SHISA9: variants seen among roughly 807,000 people sequenced by gnomAD.
SHISA9 encodes protein shisa-9.
Under a neutral mutation model 38.0 loss-of-function variants are expected in SHISA9, and 13 were observed. That is an observed-to-expected ratio of 0.34 (90% CI 0.22 to 0.54). The LOEUF (loss-of-function observed/expected upper bound fraction) is 0.54, where lower values mean the gene tolerates loss of function less well. SHISA9 is among the 20% of genes least tolerant of loss of function. The pLI, the probability that SHISA9 is intolerant of heterozygous loss-of-function variation, is 0.91. For missense variants in SHISA9, 538 were observed against 575.8 expected, an observed-to-expected ratio of 0.93 and a Z score of 0.67; for synonymous variants, 275 against 242.0, an observed-to-expected ratio of 1.14 and a Z score of -1.27.
chr16:13,467,961 C>T, the SHISA9 span, among the ~76,000 whole-genome samples: 2 of 152,220 alleles, frequency 1.3e-5, no homozygotes, highest in South Asian at 2.1e-4. Context: ...CGCTATCCTT[C>T]ATGGTGTTTT....
At chr16:13,005,873 G>A (rs2072591608) in intron 2 of SHISA9, among the ~76,000 whole-genome samples, 1 of 152,214 alleles carries the variant, frequency 6.6e-6, no homozygotes, top group South Asian at 2.1e-4. Flanking sequence ...TGTTTAGAAA[G>A]GCGTTGCTGC....
intron 4 of SHISA9, among the ~76,000 whole-genome samples, chr16:13,227,925 G>A (rs2051295101): frequency 2.0e-5 from 3 of 152,202 alleles, no homozygotes; most frequent in Admixed American, 1.3e-4. Flanking sequence ...CATAGAGTAA[G>A]TGTTCAAACA....
In SHISA9 at chr16:13,238,258, G is replaced by C. The variant is rs1350466331; in HGVS notation, c.*2849G>C. 1 of 152,142 alleles carries C rather than the reference G, an allele frequency of 6.6e-6. No individual in the cohort carries two copies. The highest frequency in any genetic ancestry group is 1.9e-4 in the East Asian group (1 of 5,194). 9.4% of individuals were successfully genotyped at this position (152,142 alleles called of 1,614,324 possible). A position where few individuals can be genotyped will look rare whatever the true frequency, so the allele number is the denominator to read the frequency against. On this transcript the variant is annotated 3_prime_UTR_variant, in exon 5 of 5. Coordinates refer to ENST00000558583, the MANE Select transcript of SHISA9 (RefSeq NM_001145204.3). ...ATGGACCAAAAAGTAAATGAAAGGG[G>C]AATCATTTCCTATGCAAGTCAGTGT...
At chr16:13,268,108 G>A in the SHISA9 span, among the ~76,000 whole-genome samples, 1 of 151,978 alleles carries the variant, frequency 6.6e-6, no homozygotes, top group Non-Finnish European at 1.5e-5. Flanking sequence ...CTCCTCTCCT[G>A]AAACTCTCAA....
chr16:13,432,621 A>G, the SHISA9 span, among the ~76,000 whole-genome samples: 1 of 152,200 alleles, frequency 6.6e-6, no homozygotes, highest in Non-Finnish European at 1.5e-5. Context: ...TTTCAGTTCA[A>G]GTCCACAAAC....
At chr16:12,991,480 A>G (rs567663168) in intron 2 of SHISA9, among the ~76,000 whole-genome samples, 39 of 152,282 alleles carry the variant, frequency 2.6e-4, no homozygotes, top group Non-Finnish European at 4.9e-4. Context: ...GTCCCATTTT[A>G]CTGAAGAGAA....
the SHISA9 span, among the ~76,000 whole-genome samples, chr16:13,469,417 GAAAGAAAA>G: frequency 1.8e-5 from 2 of 112,180 alleles, no homozygotes; most frequent in African/African-American, 3.3e-5. Context: ...AAGAAAGAAA[GAAAGAAAA>G]AGAAAGAAAG....
At chr16:13,390,041 GA>G in the SHISA9 span, among the ~76,000 whole-genome samples, 3 of 152,164 alleles carry the variant, frequency 2.0e-5, no homozygotes, top group Admixed American at 2.0e-4. Context: ...TATACGACTT[GA>G]AAAGAAAATC....
chr16:13,073,568 C>T (rs563627560), intron 2 of SHISA9, among the ~76,000 whole-genome samples: 108 of 152,208 alleles, frequency 7.1e-4, no homozygotes, highest in Middle Eastern at 3.4e-3. Context: ...ATGTGGGGCC[C>T]GGCAATCTGC....
chr16:13,479,006 T>C, the SHISA9 span, among the ~76,000 whole-genome samples: 1 of 152,252 alleles, frequency 6.6e-6, no homozygotes, highest in African/African-American at 2.4e-5. Flanking sequence ...TACAGGTCTG[T>C]GTCTGTTTAG....
chr16:13,087,439 C>T (rs1348215341), intron 2 of SHISA9, among the ~76,000 whole-genome samples: 6 of 151,670 alleles, frequency 4.0e-5, no homozygotes, highest in African/African-American at 1.5e-4. Flanking sequence ...TACACTCCCA[C>T]CAGCAGTGTA....
At chr16:13,133,101 A>G (rs977974256) in intron 2 of SHISA9, among the ~76,000 whole-genome samples, 1 of 152,200 alleles carries the variant, frequency 6.6e-6, no homozygotes, top group African/African-American at 2.4e-5. Context: ...GAAACTCACA[A>G]TCTAGTCCAA....
At chr16:13,015,994 CTTTTCTT>C in intron 2 of SHISA9, among the ~76,000 whole-genome samples, 1 of 116,718 alleles carries the variant, frequency 8.6e-6, no homozygotes, top group African/African-American at 3.3e-5. Context: ...CCCTTCTTTT[CTTTTCTT>C]CCTTGAGACA....
chr16:13,447,081 A>G, the SHISA9 span, among the ~76,000 whole-genome samples: 2 of 151,728 alleles, frequency 1.3e-5, no homozygotes, highest in Admixed American at 6.6e-5. Context: ...ATCCATCTGT[A>G]TTTTGTTTTC....
chr16:13,402,684 G>A, the SHISA9 span, among the ~76,000 whole-genome samples: 1 of 151,980 alleles, frequency 6.6e-6, no homozygotes, highest in African/African-American at 2.4e-5. Context: ...GCTATTTTTT[G>A]TATTTTTAGT....
chr16:12,907,500 C>T (rs966736280), intron 1 of SHISA9, among the ~76,000 whole-genome samples: 1 of 151,976 alleles, frequency 6.6e-6, no homozygotes, highest in Non-Finnish European at 1.5e-5. Context: ...TTCCTGAGAG[C>T]AAGGACATTT....
intron 2 of SHISA9, among the ~76,000 whole-genome samples, chr16:13,129,685 G>T (rs1369315941): frequency 3.3e-5 from 5 of 152,158 alleles, no homozygotes; most frequent in Non-Finnish European, 7.4e-5. Context: ...GGCTTTCTTT[G>T]GAGGGCTCAG....
the SHISA9 span, among the ~76,000 whole-genome samples, chr16:13,505,248 G>T: frequency 6.6e-6 from 1 of 152,178 alleles, no homozygotes; most frequent in Non-Finnish European, 1.5e-5. Context: ...AGTCAAGTGG[G>T]CCTGGCATAA....
At chr16:13,142,895 T>C (rs2050413520) in intron 2 of SHISA9, among the ~76,000 whole-genome samples, 1 of 152,148 alleles carries the variant, frequency 6.6e-6, no homozygotes, top group Non-Finnish European at 1.5e-5. Flanking sequence ...CTAATTTCCT[T>C]TTTTATATAT....
Sources: gnomAD v4.1 joint callset for allele counts (sites outside exome capture counted in the v4.1 genomes callset) on GRCh38, gnomAD v4.1.1 for gene constraint, MANE v1.5 for transcripts, NCBI Gene and HGNC (gene_info 2026-07-23, HGNC 2026-07-21) for gene names.